KDM4B: variants seen among roughly 807,000 people sequenced by gnomAD.
The protein encoded by KDM4B is lysine-specific demethylase 4B.
In KDM4B, 32 loss-of-function variants were observed where a neutral mutation model predicts 125.2. The observed-to-expected ratio is 0.26, with a 90% CI of 0.19 to 0.34. KDM4B has a LOEUF of 0.34. Ranked by LOEUF, KDM4B falls within the 10% of genes least tolerant of loss-of-function variation. The pLI, the probability that KDM4B is intolerant of heterozygous loss-of-function variation, is 1.00. For synonymous variants in KDM4B, 721 were observed against 677.9 expected, an observed-to-expected ratio of 1.06 and a Z score of -0.99; for missense variants, 1,190 against 1,577.7, an observed-to-expected ratio of 0.75 and a Z score of 4.16.
rs945630098 is a variant in KDM4B at position 5,038,280 on chromosome 19, G to A, written c.142-1556G>A. Among the ~76,000 whole-genome samples, 37 of 152,212 alleles carry A rather than the reference G, an allele frequency of 2.4e-4. 1 individual carries two copies. The highest frequency in any genetic ancestry group is 1.8e-3 in the Admixed American group (27 of 15,292). On this transcript the variant is annotated intron_variant, in intron 3 of 22. Coordinates refer to ENST00000159111, the MANE Select transcript of KDM4B (RefSeq NM_015015.3). The stretch of plus-strand genomic sequence containing the variant: ...AGGGTGCCTGGCACCCAGAAGGCCC[G>A]TGGTGCCCACCGGCAGTCTAGAATC...
At chr19:5,002,443 CCCTTTCTCTCT>C (rs1192344526) in intron 1 of KDM4B, among the ~76,000 whole-genome samples, 2 of 149,178 alleles carry the variant, frequency 1.3e-5, no homozygotes, top group Admixed American at 6.7e-5. Context: ...ACTTTCTCTC[CCCTTTCTCTCT>C]CCTTTCCTTT....
At chr19:5,010,953 T>C (rs1307571360) in intron 1 of KDM4B, among the ~76,000 whole-genome samples, 1 of 152,230 alleles carries the variant, frequency 6.6e-6, no homozygotes, top group Non-Finnish European at 1.5e-5. Context: ...TGGCGCTCAA[T>C]TGCATTTCAC....
At chr19:5,080,516 G>A (rs569026237) in intron 8 of KDM4B, among the ~76,000 whole-genome samples, 3 of 152,366 alleles carry the variant, frequency 2.0e-5, no homozygotes, top group East Asian at 1.9e-4. Flanking sequence ...GGGAGACACC[G>A]CCAGCCCCAG....
rs1292028628 is a variant in KDM4B at position 5,035,900 on chromosome 19, C to T, written c.141+2869C>T. On this transcript the variant is annotated intron_variant, in intron 3 of 22. Coordinates refer to ENST00000159111, the MANE Select transcript of KDM4B (RefSeq NM_015015.3). This position sits in a 1 kb window ranked among gnomAD's most constrained non-coding sequence, Gnocchi z 5.3. ...GTGTGTGCGCGCGCGCGCGCGCCTG[C>T]GCGCACAGGAGACTGAGGTGGGGAG... Among the ~76,000 whole-genome samples, 1 of 148,332 alleles carries T rather than the reference C, an allele frequency of 6.7e-6. No homozygotes were observed. The highest frequency in any genetic ancestry group is 1.5e-5 in the Non-Finnish European group (1 of 67,608).
At chr19:5,089,627 T>C (rs577160779) in intron 9 of KDM4B, among the ~76,000 whole-genome samples, 10 of 152,034 alleles carry the variant, frequency 6.6e-5, no homozygotes, top group African/African-American at 2.4e-4. Flanking sequence ...TGATATTAGT[T>C]TGATGTCATG....
chr19:5,037,199 A>G (rs1051722231), intron 3 of KDM4B, among the ~76,000 whole-genome samples: 4 of 152,126 alleles, frequency 2.6e-5, no homozygotes, highest in African/African-American at 9.7e-5. Flanking sequence ...TTTGGCGTGG[A>G]TTTGGAGCCG....
intron 13 of KDM4B, among the ~76,000 whole-genome samples, chr19:5,132,689 A>T (rs1405853805): frequency 6.6e-6 from 1 of 151,602 alleles, no homozygotes; most frequent in East Asian, 2.0e-4. Context: ...GTATCCTTCC[A>T]GAAGGCATCT....
At chr19:5,060,041 G>A (rs949494772) in intron 6 of KDM4B, among the ~76,000 whole-genome samples, 13 of 152,212 alleles carry the variant, frequency 8.5e-5, no homozygotes, top group Admixed American at 8.5e-4. Context: ...GGGCCTCAGA[G>A]CTGCTGCCAG....
chr19:5,017,897 C>T (rs970028433), intron 2 of KDM4B, among the ~76,000 whole-genome samples: 9 of 151,634 alleles, frequency 5.9e-5, no homozygotes, highest in South Asian at 2.1e-4. Flanking sequence ...CCTGCCACCA[C>T]GCCCGGCTAA....
At chr19:5,120,405 G>A (rs944940295) in intron 11 of KDM4B, among the ~76,000 whole-genome samples, 1 of 152,232 alleles carries the variant, frequency 6.6e-6, no homozygotes, top group African/African-American at 2.4e-5. Flanking sequence ...AGCCACTTGT[G>A]GGCAGAGGGC....
chr19:5,143,427 C>T (rs752324523), intron 18 of KDM4B, among the ~76,000 whole-genome samples: 1 of 152,142 alleles, frequency 6.6e-6, no homozygotes, highest in Non-Finnish European at 1.5e-5. Flanking sequence ...AATTCCAGAA[C>T]AGTTCATCAC....
chr19:5,045,380 T>TTTG (rs140890573), intron 5 of KDM4B, among the ~76,000 whole-genome samples: 79 of 151,872 alleles, frequency 5.2e-4, no homozygotes, highest in South Asian at 3.3e-3. Flanking sequence ...TTTTGCCCAG[T>TTTG]TTGTTGTTGT....
chr19:5,050,043 AGC>A (rs1223970307), intron 6 of KDM4B, among the ~76,000 whole-genome samples: 6 of 152,194 alleles, frequency 3.9e-5, no homozygotes, highest in African/African-American at 9.7e-5. Context: ...TAGGGCTCCC[AGC>A]CAAGAGATCA....
chr19:5,083,994 C>T (rs1009928849), intron 9 of KDM4B, among the ~76,000 whole-genome samples: 14 of 152,206 alleles, frequency 9.2e-5, no homozygotes, highest in Non-Finnish European at 4.4e-5. Flanking sequence ...TGCCTGTAAT[C>T]CTAGCACTTT....
intron 9 of KDM4B, among the ~76,000 whole-genome samples, chr19:5,095,313 GA>G (rs1343740047): frequency 6.6e-6 from 1 of 152,204 alleles, no homozygotes; most frequent in Non-Finnish European, 1.5e-5. Flanking sequence ...GATTTTATCG[GA>G]CCACATATAA....
At chr19:5,012,771 A>G (rs889573110) in intron 1 of KDM4B, among the ~76,000 whole-genome samples, 1 of 152,168 alleles carries the variant, frequency 6.6e-6, no homozygotes, top group African/African-American at 2.4e-5. Flanking sequence ...ATGGGGTTGG[A>G]GCCGTGTGGC....
rs774764463 is a variant in KDM4B at position 5,139,471 on chromosome 19, C to T, written c.2550+1401C>T. ...CCCAGCAGTGGGCTTGCTGGACCGT[C>T]GGGCAGCTCTGTTTTTAGCACTGGA... On this transcript the variant is annotated intron_variant, in intron 18 of 22. Transcript: ENST00000159111. 1.2e-4 allele frequency among the ~76,000 whole-genome samples: 18 copies of T among 152,208 alleles called. 1 individual carries two copies. Among genetic ancestry groups the T allele is most frequent in the Admixed American group, 7.9e-4 (12 of 15,282 alleles).
intron 5 of KDM4B, among the ~76,000 whole-genome samples, chr19:5,046,676 G>T (rs970062199): frequency 6.6e-6 from 1 of 152,200 alleles, no homozygotes; most frequent in African/African-American, 2.4e-5. Flanking sequence ...GTGCCTGGTG[G>T]GTGGGGATTC....
chr19:5,120,467 C>T (rs771112781), intron 11 of KDM4B, among the ~76,000 whole-genome samples: 6 of 151,620 alleles, frequency 4.0e-5, no homozygotes, highest in African/African-American at 1.2e-4. Context: ...CACCTGCCCT[C>T]GGGCCTCCCC....
Sources: gnomAD v4.1 joint callset for allele counts (sites outside exome capture counted in the v4.1 genomes callset) on GRCh38, gnomAD v4.1.1 for gene constraint, Gnocchi (gnomAD v3.1) non-coding constraint, MANE v1.5 for transcripts, NCBI Gene and HGNC (gene_info 2026-07-23, HGNC 2026-07-21) for gene names.